CDH12: variants seen among roughly 807,000 people sequenced by gnomAD.
The protein encoded by CDH12 is cadherin 12, also known as cadherin-12.
CDH12 carries 41 observed loss-of-function variants against 74.1 expected under a neutral mutation model. That is an observed-to-expected ratio of 0.55 (90% CI 0.43 to 0.72). CDH12 has a LOEUF of 0.72. Ranked by LOEUF, CDH12 falls within the 30% of genes least tolerant of loss-of-function variation. The pLI is 0.00. For synonymous variants in CDH12, 399 were observed against 355.0 expected, an observed-to-expected ratio of 1.12 and a Z score of -1.39; for missense variants, 945 against 977.2, an observed-to-expected ratio of 0.97 and a Z score of 0.44.
At chr5:22,026,380 A>T (rs1402865848) in intron 5 of CDH12, among the ~76,000 whole-genome samples, 1 of 152,138 alleles carries the variant, frequency 6.6e-6, no homozygotes, top group Non-Finnish European at 1.5e-5. Context: ...GGTTAAATCC[A>T]AGACAGCATA....
At chr5:22,361,240 TACAAAATCAATGTGC>T in intron 3 of CDH12, among the ~76,000 whole-genome samples, 1 of 152,266 alleles carries the variant, frequency 6.6e-6, no homozygotes, top group Non-Finnish European at 1.5e-5. Flanking sequence ...AGTCTCAGGA[TACAAAATCAATGTGC>T]AAAAATCACA....
At chr5:22,820,614 A>G (rs1187896049) in intron 1 of CDH12, among the ~76,000 whole-genome samples, 2 of 152,202 alleles carry the variant, frequency 1.3e-5, no homozygotes, top group African/African-American at 4.8e-5. Context: ...ACCTCTACGC[A>G]AATAAACTAG....
At chr5:22,228,853 A>C (rs866392332) in intron 3 of CDH12, among the ~76,000 whole-genome samples, 3 of 152,146 alleles carry the variant, frequency 2.0e-5, no homozygotes, top group Admixed American at 6.6e-5. Context: ...TAATGAACAT[A>C]ACATAATTAA....
chr5:22,564,004 C>A (rs1051163079), intron 1 of CDH12, among the ~76,000 whole-genome samples: 7 of 152,100 alleles, frequency 4.6e-5, no homozygotes, highest in Admixed American at 6.5e-5. Context: ...ATTGGAGACA[C>A]AGAGCCAAAA....
chr5:22,322,031 A>C lies in CDH12; in HGVS notation c.-333+83226T>G, dbSNP rs764039708. Among the ~76,000 whole-genome samples, 7 of 152,182 alleles carry C rather than the reference A, an allele frequency of 4.6e-5. 1 individual carries two copies. Among genetic ancestry groups the C allele is most frequent in the Non-Finnish European group, 1.5e-5 (1 of 68,024 alleles). The stretch of plus-strand genomic sequence containing the variant: ...TTATCTATTTCATAAATAGCAAATA[A>C]ATGGACAACCTCAGAATATCATTTT... On this transcript the variant is annotated intron_variant, in intron 3 of 14. Transcript: ENST00000382254.
At chr5:21,915,181 C>T (rs146845768) in intron 6 of CDH12, among the ~76,000 whole-genome samples, 349 of 152,158 alleles carry the variant, frequency 2.3e-3, no homozygotes, top group Middle Eastern at 0.01. Flanking sequence ...AGTATAATTC[C>T]GATCTTATTA....
intron 5 of CDH12, among the ~76,000 whole-genome samples, chr5:22,016,816 T>A (rs1433463604): frequency 6.6e-6 from 1 of 152,182 alleles, no homozygotes; most frequent in Non-Finnish European, 1.5e-5. Context: ...CCTTTGCACT[T>A]GTAGATAATT....
Position 22,850,906 on chromosome 5 carries a change from C to G in CDH12, c.-523+2152G>C, listed in dbSNP as rs141078281. ...GTTCATCACAATGCATTTTAAGAGGCAAGAGTGACATATATCCTTATTAAT... is the reference window on the plus strand; with the variant it reads ...GTTCATCACAATGCATTTTAAGAGGGAAGAGTGACATATATCCTTATTAAT... On this transcript the variant is annotated intron_variant, in intron 1 of 14. Transcript: ENST00000382254. Among the ~76,000 whole-genome samples, 921 of 152,158 alleles carry G rather than the reference C, an allele frequency of 6.1e-3. 4 individuals carry two copies. The highest frequency in any genetic ancestry group is 0.034 in the South Asian group (162 of 4,820).
intron 2 of CDH12, among the ~76,000 whole-genome samples, chr5:22,416,911 G>T (rs1020248005): frequency 4.6e-5 from 7 of 152,060 alleles, no homozygotes; most frequent in Admixed American, 4.6e-4. Context: ...ACAAATTTAA[G>T]ATATTTTTTA....
chr5:21,838,442 C>T (rs546495466), intron 8 of CDH12, among the ~76,000 whole-genome samples: 27 of 152,196 alleles, frequency 1.8e-4, no homozygotes, highest in Non-Finnish European at 3.2e-4. Context: ...CGCCTGTAAT[C>T]CCAGCTACTT....
chr5:22,581,444 G>T (rs1234343850), intron 1 of CDH12, among the ~76,000 whole-genome samples: 1 of 152,328 alleles, frequency 6.6e-6, no homozygotes, highest in Middle Eastern at 3.4e-3. Flanking sequence ...GAAGTTTGCT[G>T]CAGAGGTTTC....
intron 1 of CDH12, among the ~76,000 whole-genome samples, chr5:22,565,360 C>T (rs931728824): frequency 6.6e-6 from 1 of 152,180 alleles, no homozygotes; most frequent in East Asian, 1.9e-4. Context: ...TACATTTCCA[C>T]CAACAGGGTA....
intron 3 of CDH12, among the ~76,000 whole-genome samples, chr5:22,277,490 T>G (rs1736684738): frequency 6.6e-6 from 1 of 152,102 alleles, no homozygotes; most frequent in South Asian, 2.1e-4. Flanking sequence ...CCCATAGTGC[T>G]ACTCTATCTT....
At chr5:22,301,531 T>C (rs1045960745) in intron 3 of CDH12, among the ~76,000 whole-genome samples, 1 of 152,182 alleles carries the variant, frequency 6.6e-6, no homozygotes, top group Non-Finnish European at 1.5e-5. Flanking sequence ...CAACAAAATA[T>C]ACTGCAAAAT....
rs939121308 is a variant in CDH12, at chr5:22,697,603, T to C, written c.-523+155455A>G. Reference sequence around the variant, plus strand: ...AAAAAAAAAAAAGAAAGAAAACATATGTATATTCTGAAGAGCACATGTTTT... The same window carrying C: ...AAAAAAAAAAAAGAAAGAAAACATACGTATATTCTGAAGAGCACATGTTTT... On this transcript the variant is annotated intron_variant, in intron 1 of 14. Coordinates refer to ENST00000382254, the MANE Select transcript of CDH12 (RefSeq NM_004061.5). Among the ~76,000 whole-genome samples the C allele has an allele frequency of 1.9e-4, 28 of 150,248 alleles. No homozygotes were observed. The East Asian group carries it at 5.5e-3, about 29-fold the overall frequency.
At chr5:22,550,414 A>C (rs1738516033) in intron 1 of CDH12, among the ~76,000 whole-genome samples, 1 of 152,160 alleles carries the variant, frequency 6.6e-6, no homozygotes, top group African/African-American at 2.4e-5. Flanking sequence ...TTCCCACAGA[A>C]ACCTATCCCT....
At chr5:22,319,663 T>C (rs1561309850) in intron 3 of CDH12, among the ~76,000 whole-genome samples, 1 of 152,120 alleles carries the variant, frequency 6.6e-6, no homozygotes, top group Non-Finnish European at 1.5e-5. Flanking sequence ...TTCAAACATA[T>C]GGGCAAATTA....
At chr5:21,831,348 A>G (rs1014610298) in intron 8 of CDH12, among the ~76,000 whole-genome samples, 5 of 152,128 alleles carry the variant, frequency 3.3e-5, no homozygotes, top group Non-Finnish European at 7.3e-5. Context: ...TTTTTCTTTC[A>G]GTTTCCTCTT....
chr5:22,247,456 C>T (rs1752987241), intron 3 of CDH12, among the ~76,000 whole-genome samples: 1 of 152,088 alleles, frequency 6.6e-6, no homozygotes, highest in Admixed American at 6.6e-5. Context: ...GTGGGTGGAT[C>T]ACGAGGTCAG....
Sources: allele counts gnomAD v4.1 joint callset (sites outside exome capture counted in the v4.1 genomes callset), GRCh38; gene constraint gnomAD v4.1.1; transcripts MANE v1.5; gene names NCBI Gene and HGNC (gene_info 2026-07-23, HGNC 2026-07-21).